The following CHST9 variants were observed in gnomAD, a reference collection of about 807,000 sequenced individuals.
CHST9 encodes the protein carbohydrate sulfotransferase 9.
In CHST9, 41 loss-of-function variants were observed where a neutral mutation model predicts 44.4. The observed-to-expected ratio is 0.92, with a 90% confidence interval of 0.72 to 1.20. CHST9 has a LOEUF of 1.20. Ranked by LOEUF, CHST9 falls within the 50% of genes most tolerant of loss-of-function variation. The probability of loss-of-function intolerance (pLI) is 0.00; values close to 1 mark genes in which losing one functional copy is unlikely to be tolerated. For missense variants in CHST9, 504 were observed against 516.5 expected (o/e 0.98, Z 0.23); for synonymous variants, 171 against 178.4 (o/e 0.96, Z 0.33).
intron 2 of CHST9, among the ~76,000 whole-genome samples, chr18:27,081,650 G>A (rs891705103): frequency 9.2e-5 from 14 of 152,078 alleles, no homozygotes; most frequent in African/African-American, 3.4e-4. Flanking sequence ...ATTAATCAAT[G>A]GAGTAATAAA....
At chr18:27,026,532 T>C (rs924445887) in intron 3 of CHST9, among the ~76,000 whole-genome samples, 2 of 152,212 alleles carry the variant, frequency 1.3e-5, no homozygotes, top group South Asian at 2.1e-4. Flanking sequence ...ATAATAGTAA[T>C]ATAGTATATA....
chr18:27,067,525 G>A (rs1428584954), intron 2 of CHST9, among the ~76,000 whole-genome samples: 1 of 152,114 alleles, frequency 6.6e-6, no homozygotes, highest in Non-Finnish European at 1.5e-5. Context: ...ACTCAATTCT[G>A]TCAATTTTAA....
intron 3 of CHST9, among the ~76,000 whole-genome samples, chr18:27,042,346 G>A: frequency 6.6e-6 from 1 of 151,920 alleles, no homozygotes; most frequent in Non-Finnish European, 1.5e-5. Flanking sequence ...CTAGATCCAG[G>A]GGCACACTGG....
intron 5 of CHST9, among the ~76,000 whole-genome samples, chr18:26,918,519 A>G (rs931836594): frequency 4.0e-5 from 6 of 151,558 alleles, no homozygotes; most frequent in African/African-American, 1.5e-4. Context: ...ATATATATAT[A>G]GTACATATAT....
intron 2 of CHST9, among the ~76,000 whole-genome samples, chr18:27,141,424 CTACAAAAAA>C (rs1402300912): frequency 6.6e-6 from 1 of 150,834 alleles, no homozygotes; most frequent in Non-Finnish European, 1.5e-5. Context: ...AACCCCGTCT[CTACAAAAAA>C]TACAAAAATT....
At position 26,914,174 on chromosome 18, in the gene CHST9, T is replaced by C. The variant is rs540969540; in HGVS notation, c.*2085A>G. On this transcript the variant is annotated 3_prime_UTR_variant, in exon 6 of 6. Transcript: ENST00000618847. ...CCACCATCAAAGCCAAACATTTATA[T>C]AGGTATGCATTCCACCCTGCCCAAT... 1 of 152,314 alleles carries C rather than the reference T, an allele frequency of 6.6e-6. No individual in the cohort carries two copies. Among genetic ancestry groups the C allele is most frequent in the Admixed American group, 6.5e-5 (1 of 15,292 alleles). The allele number at this position is 152,314 out of a possible 1,614,324, so 9.4% of individuals were successfully genotyped here.
At chr18:27,155,086 T>TA (rs145704285) in intron 1 of CHST9, among the ~76,000 whole-genome samples, 1,475 of 108,752 alleles carry the variant, frequency 0.014, 27 homozygotes, top group African/African-American at 0.043. Flanking sequence ...TTTCAAAAGT[T>TA]AAAAAAAAAA....
intron 1 of CHST9, among the ~76,000 whole-genome samples, chr18:27,164,378 G>A (rs1168198128): frequency 4.0e-5 from 6 of 149,124 alleles, no homozygotes; most frequent in Non-Finnish European, 7.4e-5. Flanking sequence ...AAACATATGA[G>A]TTGGAAGATA....
intron 5 of CHST9, among the ~76,000 whole-genome samples, chr18:26,925,124 A>G (rs1598560594): frequency 6.6e-6 from 1 of 152,064 alleles, no homozygotes; most frequent in Admixed American, 6.6e-5. Context: ...AACTTGGTGC[A>G]TTAAAGGACA....
At chr18:26,969,707 A>G (rs1407739115) in intron 4 of CHST9, among the ~76,000 whole-genome samples, 1 of 152,150 alleles carries the variant, frequency 6.6e-6, no homozygotes, top group African/African-American at 2.4e-5. Flanking sequence ...AAGAAGATAA[A>G]TTAGGGTGAT....
At chr18:26,917,558 G>A (rs1292000940) in intron 5 of CHST9, among the ~76,000 whole-genome samples, 1 of 152,164 alleles carries the variant, frequency 6.6e-6, no homozygotes, top group Non-Finnish European at 1.5e-5. Flanking sequence ...GGCATCTACA[G>A]GATAGGGAGG....
At chr18:26,987,306 G>A (rs2056765435) in intron 4 of CHST9, among the ~76,000 whole-genome samples, 1 of 152,142 alleles carries the variant, frequency 6.6e-6, no homozygotes, top group Non-Finnish European at 1.5e-5. Context: ...TCTCTGCCAT[G>A]CTTTGCAGCA....
chr18:27,067,338 G>A (rs928675485), intron 2 of CHST9, among the ~76,000 whole-genome samples: 24 of 151,972 alleles, frequency 1.6e-4, no homozygotes, highest in African/African-American at 4.8e-4. Flanking sequence ...TTTACAGGGC[G>A]ATGCTTTCTG....
chr18:27,138,720 A>T (rs1315423312), intron 2 of CHST9, among the ~76,000 whole-genome samples: 1 of 152,110 alleles, frequency 6.6e-6, no homozygotes, highest in East Asian at 1.9e-4. Flanking sequence ...TTTAATCTTC[A>T]CTGCAACCCT....
chr18:26,937,000 G>T (rs190846188), intron 5 of CHST9, among the ~76,000 whole-genome samples: 2 of 152,256 alleles, frequency 1.3e-5, no homozygotes, highest in Admixed American at 1.3e-4. Flanking sequence ...TTGTAAGAGA[G>T]TTTTTAGAAG....
chr18:27,065,392 A>C (rs958508120), intron 2 of CHST9, among the ~76,000 whole-genome samples: 2 of 152,188 alleles, frequency 1.3e-5, no homozygotes, highest in South Asian at 4.1e-4. Context: ...AATGGCAGCC[A>C]CTTTCTTTTG....
intron 2 of CHST9, among the ~76,000 whole-genome samples, chr18:27,122,284 C>G: frequency 6.6e-6 from 1 of 152,190 alleles, no homozygotes; most frequent in Non-Finnish European, 1.5e-5. Context: ...GTTCTTTCCA[C>G]TAAATGAAAC....
At chr18:27,013,838 A>G (rs1310659790) in intron 4 of CHST9, among the ~76,000 whole-genome samples, 2 of 152,212 alleles carry the variant, frequency 1.3e-5, no homozygotes, top group African/African-American at 4.8e-5. Context: ...CTTTCAAATA[A>G]TATTAATGTA....
At chr18:27,183,993 C>G (rs1465870144) in intron 1 of CHST9, among the ~76,000 whole-genome samples, 1 of 151,862 alleles carries the variant, frequency 6.6e-6, no homozygotes, top group African/African-American at 2.4e-5. Context: ...TCCTTCAAAC[C>G]GAGAGGAATA....
Sources: allele counts gnomAD v4.1 joint callset (sites outside exome capture counted in the v4.1 genomes callset), GRCh38; gene constraint gnomAD v4.1.1; transcripts MANE v1.5; gene names NCBI Gene and HGNC (gene_info 2026-07-23, HGNC 2026-07-21).